Variants in ZNF292 observed in about 807,000 individuals in gnomAD.
The protein encoded by ZNF292 is 16 zinc-finger domain protein.
Under a neutral mutation model 217.9 loss-of-function variants are expected in ZNF292, and 26 were observed. The ratio of observed to expected loss-of-function variants is 0.12; its 90% CI spans 0.09 to 0.17. The LOEUF is 0.17. ZNF292 is among the 10% of genes least tolerant of loss of function. The pLI is 1.00. For synonymous variants in ZNF292, 1,257 were observed against 1,124.1 expected (o/e 1.12, Z -2.37); for missense variants, 2,904 against 3,175.2 (o/e 0.91, Z 2.05).
chr6:87,247,628 T>C (rs1195783775), intron 7 of ZNF292, among the ~76,000 whole-genome samples: 1 of 152,162 alleles, frequency 6.6e-6, no homozygotes, highest in Non-Finnish European at 1.5e-5. Context: ...GAGGGACATA[T>C]TGTCAACACA....
Position 87,260,660 on chromosome 6 carries a change from A to G in ZNF292, c.7031A>G (p.Lys2344Arg), listed in dbSNP as rs373251618. ...AAGAAAAAAAATAATTTAGAAAACA[A>G]GAATGCAAAGATTGTGCAGATTGAA... is the stretch of plus-strand genomic sequence containing the variant. ...KRKKKNNLEN[K>R]NAKIVQIEEN... The change falls in exon 8 of 8, where the codon AAG becomes AGG. Residue 2344 changes from lysine to arginine, a missense_variant. Around this residue, in one of 15 missense-constraint regions of ZNF292, gnomAD observed 101 missense variants for 89.5 expected, o/e 1.13. Transcript: ENST00000369577. The G allele has an allele frequency of 4.3e-6, 7 of 1,612,312 alleles. No homozygotes were observed. The highest frequency in any genetic ancestry group is 1.1e-5 in the South Asian group (1 of 90,806).
chr6:87,232,449 TC>T (rs534972276), intron 4 of ZNF292, among the ~76,000 whole-genome samples: 15 of 152,250 alleles, frequency 9.9e-5, no homozygotes, highest in Admixed American at 9.8e-4. Context: ...CTAAAAGCCT[TC>T]CCAAGGTTTC....
chr6:87,206,825 C>G (rs553658643), intron 1 of ZNF292, among the ~76,000 whole-genome samples: 5 of 152,312 alleles, frequency 3.3e-5, no homozygotes, highest in African/African-American at 1.2e-4. Context: ...AACGTCATCA[C>G]ACACGCAGAA....
intron 5 of ZNF292, among the ~76,000 whole-genome samples, chr6:87,234,341 G>A (rs1475803065): frequency 6.6e-6 from 1 of 152,048 alleles, no homozygotes; most frequent in East Asian, 1.9e-4. Flanking sequence ...GGCGGATCAC[G>A]AGGTCAGGAG....
intron 1 of ZNF292, among the ~76,000 whole-genome samples, chr6:87,179,046 A>G (rs2127776978): frequency 6.6e-6 from 1 of 152,184 alleles, no homozygotes; most frequent in African/African-American, 2.4e-5. Context: ...TTTATGAACT[A>G]TAGTGATAGC....
At chr6:87,220,124 G>C (rs1773007606) in intron 4 of ZNF292, among the ~76,000 whole-genome samples, 2 of 151,920 alleles carry the variant, frequency 1.3e-5, no homozygotes, top group East Asian at 1.9e-4. Flanking sequence ...ACCACACCCA[G>C]CCTAACAATA....
Position 87,245,641 on chromosome 6 carries a change from A to C in ZNF292, c.1017A>C (p.Ser339=), listed in dbSNP as rs936281793. The change falls in exon 7 of 8, where the codon TCA becomes TCC. Residue 339 remains serine, a synonymous_variant. Transcript: ENST00000369577. ...HIFFLIKVIN[S]ETEGAGLATC... ...TCTTCCTGATTAAAGTTATTAATTC[A>C]GAGGTAAGAATAATCAGAATATTTT... 2.0e-6 allele frequency: 3 copies of C among 1,468,530 alleles called. No individual in the cohort carries two copies. The highest frequency in any genetic ancestry group is 2.8e-6 in the Non-Finnish European group (3 of 1,076,608). 91.0% of individuals were successfully genotyped at this position (1,468,530 alleles called of 1,614,324 possible).
At chr6:87,226,394 A>G (rs1448229648) in intron 4 of ZNF292, among the ~76,000 whole-genome samples, 1 of 152,084 alleles carries the variant, frequency 6.6e-6, no homozygotes. Flanking sequence ...CTAAGATGCA[A>G]TAATATTTTA....
chr6:87,208,173 A>C (rs947827966), intron 1 of ZNF292, among the ~76,000 whole-genome samples: 9 of 151,924 alleles, frequency 5.9e-5, no homozygotes, highest in Non-Finnish European at 1.0e-4. Flanking sequence ...TCCCCCACCA[A>C]TCTTATTTTG....
chr6:87,212,010 A>AGTCGCAAGTACCAGGTCCCCAAGTCT (rs1772509077), intron 1 of ZNF292, among the ~76,000 whole-genome samples: 1 of 152,244 alleles, frequency 6.6e-6, no homozygotes, highest in Admixed American at 6.5e-5. Flanking sequence ...GTCAGATGCC[A>AGTCGCAAGTACCAGGTCCCCAAGTCT]GTCGCAAGTA....
intron 1 of ZNF292, among the ~76,000 whole-genome samples, chr6:87,188,711 C>T (rs1173010891): frequency 2.1e-5 from 3 of 145,350 alleles, no homozygotes; most frequent in South Asian, 2.2e-4. Flanking sequence ...TATAGCCAGC[C>T]GTAGTAATTT....
rs1775209918 is a variant in ZNF292 at position 87,256,340 on chromosome 6, A to G, written c.2711A>G (p.Gln904Arg). Residue 904 changes from glutamine (Q) to arginine (R), a missense_variant, in exon 8 of 8, where the codon CAG becomes CGG. Gln to Arg is a conservative substitution (Grantham distance 43). Coordinates refer to ENST00000369577, the MANE Select transcript of ZNF292 (RefSeq NM_015021.3). ...KAESAVTKQD[Q>R]ISASELRQAN... is the part of the protein sequence containing the mutation. ...GAATCAGCTGTGACCAAACAAGACC[A>G]GATTTCTGCCTCTGAGCTCAGGCAA... 4.3e-6 allele frequency: 7 copies of G among 1,612,512 alleles called. No homozygotes were observed. In the South Asian group the frequency reaches 5.5e-5, roughly 13 times the overall value.
At chr6:87,192,385 C>T (rs755109062) in intron 1 of ZNF292, among the ~76,000 whole-genome samples, 8 of 151,048 alleles carry the variant, frequency 5.3e-5, no homozygotes, top group Non-Finnish European at 8.9e-5. Flanking sequence ...TTAACCCTAG[C>T]GAAAATAACT....
chr6:87,205,021 T>C (rs1772204111), intron 1 of ZNF292, among the ~76,000 whole-genome samples: 1 of 152,154 alleles, frequency 6.6e-6, no homozygotes, highest in Non-Finnish European at 1.5e-5. Context: ...CAAAAGCTTC[T>C]GTAATAAAGA....
At position 87,257,142 on chromosome 6, in the gene ZNF292, G is replaced by C. The variant is rs191558738; in HGVS notation, c.3513G>C (p.Gln1171His). 6.2e-7 allele frequency: 1 copy of C among 1,613,874 alleles called. No individual in the cohort carries two copies. The highest frequency in any genetic ancestry group is 1.7e-5 in the Admixed American group (1 of 59,982). Reference sequence around the variant, plus strand: ...GCTCAAATCCATTTTTTACATCACAGACCAAAGCCAATGGGAATCCTGCTT... The same window carrying C: ...GCTCAAATCCATTTTTTACATCACACACCAAAGCCAATGGGAATCCTGCTT... ...VNSSNPFFTS[Q>H]TKANGNPACS... Residue 1171 changes from glutamine (Q) to histidine (H), a missense_variant, in exon 8 of 8, where the codon CAG (glutamine) becomes CAC (histidine). Transcript: ENST00000369577.
Position 87,255,579 on chromosome 6 carries a change from C to T in ZNF292, c.1950C>T (p.Asp650=), listed in dbSNP as rs1424548516. ...LYSTDFIVFN[D]NDGSDDENDD... is the part of the protein sequence containing the mutation. The stretch of plus-strand genomic sequence containing the variant: ...CAACAGATTTTATAGTGTTTAATGA[C>T]AATGATGGTTCAGATGATGAGAATG... The change falls in exon 8 of 8, where the codon GAC becomes GAT. Residue 650 remains aspartate (D), a synonymous_variant. Transcript: ENST00000369577. 3.1e-6 allele frequency: 5 copies of T among 1,610,640 alleles called. No individual in the cohort carries two copies. The highest frequency in any genetic ancestry group is 2.2e-5 in the South Asian group (2 of 90,646).
At position 87,256,455 on chromosome 6, in the gene ZNF292, T is replaced by C. The variant is rs1775219257; in HGVS notation, c.2826T>C (p.Ser942=). The C allele has an allele frequency of 1.2e-6, 2 of 1,608,172 alleles. No individual in the cohort carries two copies. Among genetic ancestry groups the C allele is most frequent in the African/African-American group, 2.7e-5 (2 of 75,052 alleles). Residue 942 remains serine (S), a synonymous_variant, in exon 8 of 8, where the codon TCT becomes TCC. Coordinates refer to ENST00000369577, the MANE Select transcript of ZNF292 (RefSeq NM_015021.3). ...SSEVAVSIKV[S]LNQGIEDNFG... is the part of the protein sequence containing the mutation. ...AAGTAGCTGTGTCCATTAAGGTGTC[T>C]CTCAATCAGGGGATTGAGGATAACT... is the stretch of plus-strand genomic sequence containing the variant.
intron 7 of ZNF292, among the ~76,000 whole-genome samples, chr6:87,248,833 C>G (rs1277920654): frequency 6.6e-6 from 1 of 152,164 alleles, no homozygotes; most frequent in Non-Finnish European, 1.5e-5. Flanking sequence ...CAGTCTTACT[C>G]ACCACTCATA....
At chr6:87,239,971 G>A (rs970241023) in intron 5 of ZNF292, among the ~76,000 whole-genome samples, 1 of 152,102 alleles carries the variant, frequency 6.6e-6, no homozygotes, top group African/African-American at 2.4e-5. Context: ...AGAGGCTGCA[G>A]TCTCAGCACT....
Sources: gnomAD v4.1 joint callset for allele counts (sites outside exome capture counted in the v4.1 genomes callset) on GRCh38, gnomAD v4.1.1 for gene constraint, gnomAD v4.1.1 regional missense constraint, MANE v1.5 for transcripts, NCBI Gene and HGNC (gene_info 2026-07-23, HGNC 2026-07-21) for gene names.